Variants in FSTL5 observed in about 807,000 individuals in gnomAD.
FSTL5 encodes follistatin-related protein 5.
Under a neutral mutation model 89.1 loss-of-function variants are expected in FSTL5, and 62 were observed. That is an observed-to-expected ratio of 0.70 (90% CI 0.57 to 0.86). The LOEUF (loss-of-function observed/expected upper bound fraction) is 0.86. Ranked by LOEUF, FSTL5 falls within the 40% of genes least tolerant of loss-of-function variation. FSTL5 has a pLI of 0.00. For missense variants in FSTL5, 1,057 were observed against 1,001.6 expected, an observed-to-expected ratio of 1.06 and a Z score of -0.75; for synonymous variants, 383 against 346.2, an observed-to-expected ratio of 1.11 and a Z score of -1.18.
In FSTL5 at chr4:161,963,498, A is replaced by G. The variant is rs190737240; in HGVS notation, c.161-42846T>C. Among the ~76,000 whole-genome samples the G allele has an allele frequency of 9.2e-5, 14 of 151,998 alleles. No individual in the cohort carries two copies. The East Asian group carries it at 2.7e-3, about 29-fold the overall frequency. On this transcript the variant is annotated intron_variant, in intron 3 of 15. Transcript: ENST00000306100. ...ACAGATAATGTGATTTTCCTCTAAT[A>G]TATCTCAGATTTTAAGAGACTCAAG...
intron 6 of FSTL5, among the ~76,000 whole-genome samples, chr4:161,747,057 T>G (rs1740226920): frequency 6.6e-6 from 1 of 152,200 alleles, no homozygotes; most frequent in Admixed American, 6.5e-5. Flanking sequence ...GATACTATAT[T>G]GTAATTGCCT....
In FSTL5 at chr4:161,664,812, T is replaced by C. The variant is rs560347143; in HGVS notation, c.728-8318A>G. ...GGAATAAAAAGAAGTTTAACTGGACTTACAATTCCACATGTCTGGGGAGGC... is the reference window on the plus strand; with the variant it reads ...GGAATAAAAAGAAGTTTAACTGGACCTACAATTCCACATGTCTGGGGAGGC... On this transcript the variant is annotated intron_variant, in intron 6 of 15. Coordinates refer to ENST00000306100, the MANE Select transcript of FSTL5 (RefSeq NM_020116.5). The C allele has an allele frequency of 6.9e-5, 11 of 160,232 alleles. No homozygotes were observed. The South Asian group carries it at 1.5e-3, about 22-fold the overall frequency. 9.9% of individuals were successfully genotyped at this position (160,232 alleles called of 1,614,324 possible).
intron 4 of FSTL5, among the ~76,000 whole-genome samples, chr4:161,821,608 T>C (rs1351758119): frequency 6.6e-6 from 1 of 152,148 alleles, no homozygotes; most frequent in Non-Finnish European, 1.5e-5. Context: ...TCCATTGTAT[T>C]ATTCTTATGC....
intron 13 of FSTL5, among the ~76,000 whole-genome samples, chr4:161,477,553 T>C (rs1729329326): frequency 6.6e-6 from 1 of 151,504 alleles, no homozygotes; most frequent in African/African-American, 2.4e-5. Flanking sequence ...CCTGACTTTA[T>C]ATCTTAATTT....
At chr4:161,923,436 C>G (rs1005449306) in intron 3 of FSTL5, among the ~76,000 whole-genome samples, 3 of 151,610 alleles carry the variant, frequency 2.0e-5, no homozygotes, top group Non-Finnish European at 4.4e-5. Flanking sequence ...ATCCTTATGC[C>G]AGTTTTTAAT....
chr4:161,428,360 G>A (rs1039748321), intron 15 of FSTL5, among the ~76,000 whole-genome samples: 2 of 152,216 alleles, frequency 1.3e-5, no homozygotes, highest in Non-Finnish European at 2.9e-5. Flanking sequence ...GAATAGGGTG[G>A]CACGTGACCT....
At chr4:161,730,383 TTTAA>T (rs1176023172) in intron 6 of FSTL5, among the ~76,000 whole-genome samples, 1 of 152,102 alleles carries the variant, frequency 6.6e-6, no homozygotes, top group East Asian at 1.9e-4. Flanking sequence ...AGTATTCTTA[TTTAA>T]TTGAAAAATA....
intron 11 of FSTL5, among the ~76,000 whole-genome samples, chr4:161,503,507 G>A (rs184902337): frequency 1.3e-5 from 2 of 152,054 alleles, no homozygotes; most frequent in East Asian, 3.9e-4. Flanking sequence ...ACATGTGTGT[G>A]CATAGATATA....
chr4:161,896,485 A>C, intron 4 of FSTL5, among the ~76,000 whole-genome samples: 1 of 152,134 alleles, frequency 6.6e-6, no homozygotes, highest in East Asian at 1.9e-4. Flanking sequence ...ACACCCCTAC[A>C]TTAGATAGTA....
intron 6 of FSTL5, among the ~76,000 whole-genome samples, chr4:161,659,836 CTT>C (rs988335414): frequency 2.6e-5 from 4 of 152,108 alleles, no homozygotes; most frequent in African/African-American, 9.7e-5. Context: ...TTAATAATGA[CTT>C]GTTTCATTTT....
chr4:161,977,758 C>A (rs1390117294), intron 3 of FSTL5, among the ~76,000 whole-genome samples: 3 of 150,698 alleles, frequency 2.0e-5, no homozygotes, highest in Admixed American at 1.3e-4. Context: ...AATTGGAATT[C>A]AAATCCAACT....
At chr4:161,958,600 T>C (rs375184157) in intron 3 of FSTL5, among the ~76,000 whole-genome samples, 10 of 152,218 alleles carry the variant, frequency 6.6e-5, no homozygotes, top group East Asian at 5.8e-4. Flanking sequence ...TTGGGTACTC[T>C]CTCCAATCTT....
At chr4:161,495,414 G>T (rs1578877346) in intron 12 of FSTL5, 1 of 152,040 alleles carries the variant, frequency 6.6e-6, no homozygotes, top group Admixed American at 6.6e-5. Context: ...GAATCCATAA[G>T]TCTGAAATAG....
chr4:162,147,071 C>T (rs535355667), intron 1 of FSTL5, among the ~76,000 whole-genome samples: 31 of 152,216 alleles, frequency 2.0e-4, no homozygotes, highest in African/African-American at 7.0e-4. Flanking sequence ...TGTGAGCCAT[C>T]GCACCTGGTC....
chr4:161,802,087 C>T (rs148862444), intron 4 of FSTL5, among the ~76,000 whole-genome samples: 613 of 151,560 alleles, frequency 4.0e-3, no homozygotes, highest in Non-Finnish European at 6.5e-3. Context: ...GAAAAGAAGC[C>T]TATTTTGATC....
At chr4:162,083,426 G>T (rs536694695) in intron 2 of FSTL5, among the ~76,000 whole-genome samples, 79 of 151,786 alleles carry the variant, frequency 5.2e-4, no homozygotes, top group African/African-American at 1.9e-3. Flanking sequence ...CAACTTTAGG[G>T]TGTAAAATAT....
At chr4:162,106,866 A>T (rs1731245385) in intron 2 of FSTL5, among the ~76,000 whole-genome samples, 1 of 152,222 alleles carries the variant, frequency 6.6e-6, no homozygotes, top group Admixed American at 6.5e-5. Context: ...TTTACTCATC[A>T]TAGTTATTTA....
intron 15 of FSTL5, among the ~76,000 whole-genome samples, chr4:161,438,472 T>C (rs1250456015): frequency 3.9e-5 from 6 of 152,202 alleles, no homozygotes; most frequent in African/African-American, 1.2e-4. Flanking sequence ...CTAAAATCTA[T>C]TGCCTTTTAA....
intron 4 of FSTL5, among the ~76,000 whole-genome samples, chr4:161,854,290 T>C (rs1731651370): frequency 1.3e-5 from 2 of 152,170 alleles, no homozygotes; most frequent in South Asian, 4.1e-4. Flanking sequence ...TATTCTGTCC[T>C]TAGAAAGGGC....
Sources: gnomAD v4.1 joint callset for allele counts (sites outside exome capture counted in the v4.1 genomes callset) on GRCh38, gnomAD v4.1.1 for gene constraint, MANE v1.5 for transcripts, NCBI Gene and HGNC (gene_info 2026-07-23, HGNC 2026-07-21) for gene names.